FGF14: variants seen among roughly 807,000 people sequenced by gnomAD.
The protein encoded by FGF14 is fibroblast growth factor homologous factor 4.
A neutral mutation model predicts 25.5 loss-of-function variants in FGF14; 5 were observed. That is an observed-to-expected ratio of 0.20 (90% CI 0.10 to 0.41). FGF14 has a LOEUF of 0.41. FGF14 is among the 10% of genes least tolerant of loss of function. FGF14 has a pLI of 1.00. For synonymous variants in FGF14, 138 were observed against 118.3 expected, an observed-to-expected ratio of 1.17 and a Z score of -1.08; for missense variants, 222 against 320.1, an observed-to-expected ratio of 0.69 and a Z score of 2.34.
intron 3 of FGF14, among the ~76,000 whole-genome samples, chr13:101,859,940 T>C (rs1207648768): frequency 6.6e-6 from 1 of 152,022 alleles, no homozygotes; most frequent in East Asian, 1.9e-4. Flanking sequence ...AAATACAGTT[T>C]TATCTATTTT....
intron 3 of FGF14, among the ~76,000 whole-genome samples, chr13:101,757,439 G>A (rs948962497): frequency 1.3e-5 from 2 of 152,166 alleles, no homozygotes; most frequent in African/African-American, 4.8e-5. Flanking sequence ...AATACAAACT[G>A]AGAAATTTGC....
At position 102,058,258 on chromosome 13, in the gene FGF14, C is replaced by G. The variant is rs2042523348; in HGVS notation, c.209-182962G>C. Among the ~76,000 whole-genome samples, 6 of 152,262 alleles carry G rather than the reference C, an allele frequency of 3.9e-5. No individual in the cohort carries two copies. The South Asian group carries it at 1.2e-3, about 32-fold the overall frequency. On this transcript the variant is annotated intron_variant, in intron 1 of 4. Transcript: ENST00000376131. The stretch of plus-strand genomic sequence containing the variant: ...AAAAGGATTATTTTATTAACAATCT[C>G]TTTGTTTTCTAAGGACTTCCTTGAC...
chr13:101,985,213 A>G (rs939346470), intron 1 of FGF14, among the ~76,000 whole-genome samples: 1 of 152,006 alleles, frequency 6.6e-6, no homozygotes, highest in African/African-American at 2.4e-5. Context: ...TTAACCCTGC[A>G]TGGAAGCTTA....
rs1169809502 is a variant in FGF14, at chr13:102,400,603, A to G, written c.208+868T>C. On this transcript the variant is annotated intron_variant, in intron 1 of 4. Coordinates refer to the FGF14 transcript ENST00000376131. This position sits in a 1 kb window ranked among gnomAD's most constrained non-coding sequence, Gnocchi z 4.3. The stretch of plus-strand genomic sequence containing the variant: ...GGAACCCCTGGGATCCGACTCCCCA[A>G]ATCAGATGCATTTGCATTTCTTATG... Among the ~76,000 whole-genome samples the G allele has an allele frequency of 6.6e-6, 1 of 152,168 alleles. No homozygotes were observed. Among genetic ancestry groups the G allele is most frequent in the Non-Finnish European group, 1.5e-5 (1 of 68,026 alleles).
At chr13:101,895,658 G>T (rs2030536775) in intron 1 of FGF14, among the ~76,000 whole-genome samples, 1 of 152,142 alleles carries the variant, frequency 6.6e-6, no homozygotes, top group African/African-American at 2.4e-5. Flanking sequence ...CGTAAGAAAA[G>T]AATGCATCAA....
chr13:102,175,872 AC>A (rs764483987), intron 1 of FGF14, among the ~76,000 whole-genome samples: 7 of 152,224 alleles, frequency 4.6e-5, no homozygotes, highest in Non-Finnish European at 1.0e-4. Context: ...ATGAGATACC[AC>A]CTCACACCAG....
At chr13:101,863,345 T>C (rs1425091202) in intron 3 of FGF14, among the ~76,000 whole-genome samples, 3 of 152,152 alleles carry the variant, frequency 2.0e-5, no homozygotes, top group Admixed American at 6.6e-5. Context: ...AACCCTCAAA[T>C]GCTGCCAAGG....
At chr13:102,016,548 T>C (rs573431395) in intron 1 of FGF14, among the ~76,000 whole-genome samples, 1 of 152,278 alleles carries the variant, frequency 6.6e-6, no homozygotes, top group East Asian at 1.9e-4. Context: ...CCAGATTACA[T>C]AGTAATATTT....
chr13:101,958,113 G>C (rs75500073), intron 1 of FGF14, among the ~76,000 whole-genome samples: 5,896 of 152,306 alleles, frequency 0.039, 181 homozygotes, highest in Non-Finnish European at 0.056. Context: ...ATTGTTGGAA[G>C]TGATGCCTTC....
chr13:101,742,495 C>G (rs2036618158), intron 3 of FGF14, among the ~76,000 whole-genome samples: 1 of 152,010 alleles, frequency 6.6e-6, no homozygotes. Context: ...CTAAACAGAC[C>G]TGGATTTGCT....
chr13:102,125,720 A>G (rs2045922875), intron 1 of FGF14, among the ~76,000 whole-genome samples: 1 of 152,178 alleles, frequency 6.6e-6, no homozygotes, highest in Admixed American at 6.5e-5. Context: ...ATTTTCTAGT[A>G]TAGCATTCAA....
At chr13:102,240,063 T>C (rs370076493) in intron 1 of FGF14, among the ~76,000 whole-genome samples, 271 of 152,310 alleles carry the variant, frequency 1.8e-3, no homozygotes, top group African/African-American at 6.0e-3. Flanking sequence ...AACACAATGC[T>C]TTTACCACTT....
At chr13:101,955,600 G>GTT (rs1194558316) in intron 1 of FGF14, among the ~76,000 whole-genome samples, 3 of 152,216 alleles carry the variant, frequency 2.0e-5, no homozygotes, top group African/African-American at 7.2e-5. Flanking sequence ...TTGGATGTGC[G>GTT]TGACACGCCA....
chr13:102,362,652 G>A (rs16960105), intron 1 of FGF14, among the ~76,000 whole-genome samples: 1 of 152,096 alleles, frequency 6.6e-6, no homozygotes, highest in African/African-American at 2.4e-5. Flanking sequence ...CTTAGCACTT[G>A]TATGTTCAAT....
chr13:101,739,394 A>G (rs1374814956), intron 3 of FGF14, among the ~76,000 whole-genome samples: 2 of 152,126 alleles, frequency 1.3e-5, no homozygotes, highest in Non-Finnish European at 2.9e-5. Flanking sequence ...ACAAATGTTT[A>G]CACTAATGAT....
At chr13:101,723,354 G>A (rs2035132585) in intron 4 of FGF14, among the ~76,000 whole-genome samples, 1 of 151,846 alleles carries the variant, frequency 6.6e-6, no homozygotes, top group Non-Finnish European at 1.5e-5. Flanking sequence ...CCCTTCCACT[G>A]CACATTAATA....
intron 3 of FGF14, among the ~76,000 whole-genome samples, chr13:101,755,477 C>G (rs1335480521): frequency 5.9e-5 from 9 of 151,952 alleles, no homozygotes; most frequent in African/African-American, 2.2e-4. Context: ...CTCCAGGTGA[C>G]AGAGTAATAC....
chr13:102,116,976 C>T (rs2045502094), intron 1 of FGF14, among the ~76,000 whole-genome samples: 1 of 152,180 alleles, frequency 6.6e-6, no homozygotes, highest in Admixed American at 6.5e-5. Flanking sequence ...CAGTCTACCC[C>T]TCACTCCACC....
chr13:102,123,939 C>T (rs904365772), intron 1 of FGF14, among the ~76,000 whole-genome samples: 1 of 152,162 alleles, frequency 6.6e-6, no homozygotes, highest in Non-Finnish European at 1.5e-5. Context: ...GATCATTCAG[C>T]ACTTCTCCAG....
Sources: gnomAD v4.1 joint callset for allele counts (sites outside exome capture counted in the v4.1 genomes callset) on GRCh38, gnomAD v4.1.1 for gene constraint, Gnocchi (gnomAD v3.1) non-coding constraint, MANE v1.5 for transcripts, NCBI Gene and HGNC (gene_info 2026-07-23, HGNC 2026-07-21) for gene names.